The following EYS variants were observed in gnomAD, a reference collection of about 807,000 sequenced individuals.
EYS encodes protein eyes shut homolog.
In EYS, 250 loss-of-function variants were observed where a neutral mutation model predicts 282.1. The ratio of observed to expected loss-of-function variants is 0.89; its 90% CI spans 0.80 to 0.98. The LOEUF (loss-of-function observed/expected upper bound fraction) is 0.98, where lower values mean the gene tolerates loss of function less well. Ranked by LOEUF, EYS falls within the 50% of genes least tolerant of loss-of-function variation. The probability of loss-of-function intolerance (pLI) is 0.00; values close to 1 mark genes in which losing one functional copy is unlikely to be tolerated. For missense variants in EYS, 4,016 were observed against 3,709.0 expected (o/e 1.08, Z -2.15); for synonymous variants, 1,355 against 1,282.9 (o/e 1.06, Z -1.20).
At chr6:64,902,244 C>A in intron 17 of EYS, 24 bp from the exon 18 acceptor site, 3 of 1,476,906 alleles carry the variant, frequency 2.0e-6, no homozygotes, top group Non-Finnish European at 2.8e-6. Flanking sequence ...AATTTAGTAA[C>A]TCCATTAGTA....
intron 31 of EYS, among the ~76,000 whole-genome samples, chr6:64,211,538 A>G (rs72878708): frequency 0.31 from 45,609 of 149,372 alleles, 7,049 homozygotes; most frequent in East Asian, 0.5. Context: ...CTTGGCTGAA[A>G]TTTTGCTAAA....
At position 64,590,484 on chromosome 6, in the gene EYS, T is replaced by C. The variant is rs938563720; in HGVS notation, c.5383A>G (p.Thr1795Ala). Residue 1795 changes from threonine to alanine, a missense_variant, in exon 26 of 43, where the codon ACA becomes GCA. Coordinates refer to ENST00000503581, the MANE Select transcript of EYS (RefSeq NM_001142800.2). ...GAAAGTGCTGGAGTTGCTGAAACTGTATAAAATGCAACATTGGTGGTGACT... is the reference window on the plus strand; with the variant it reads ...GAAAGTGCTGGAGTTGCTGAAACTGCATAAAATGCAACATTGGTGGTGACT... ...SEVTTNVAFY[T>A]VSATPALSIQ... The C allele has an allele frequency of 6.4e-6, 10 of 1,551,434 alleles. No individual in the cohort carries two copies. The South Asian group carries it at 7.1e-5, about 11-fold the overall frequency.
At chr6:64,638,866 T>C (rs1484851847) in intron 22 of EYS, among the ~76,000 whole-genome samples, 1 of 91,376 alleles carries the variant, frequency 1.1e-5, no homozygotes, top group East Asian at 2.4e-4. Flanking sequence ...TCATTTTGTC[T>C]TTAACCACTT....
At chr6:65,526,622 G>C (rs1383968866) in intron 2 of EYS, among the ~76,000 whole-genome samples, 2 of 152,038 alleles carry the variant, frequency 1.3e-5, no homozygotes, top group African/African-American at 4.8e-5. Flanking sequence ...TGGCTAACAC[G>C]GTGAAACCCC....
At chr6:64,329,383 A>G (rs2150389408) in intron 29 of EYS, among the ~76,000 whole-genome samples, 1 of 152,294 alleles carries the variant, frequency 6.6e-6, no homozygotes, top group Middle Eastern at 3.4e-3. Context: ...CTAGAAGGGG[A>G]CATGACTCTA....
intron 1 of EYS, among the ~76,000 whole-genome samples, chr6:65,649,700 TG>T (rs1177780329): frequency 1.3e-5 from 2 of 152,288 alleles, no homozygotes; most frequent in South Asian, 2.1e-4. Flanking sequence ...CTATTTAGAT[TG>T]TTTTTTTACA....
rs142926015 is a variant in EYS, at chr6:65,320,528, T to A, written c.1766+14452A>T. Among the ~76,000 whole-genome samples the A allele has an allele frequency of 8.4e-3, 1,279 of 152,262 alleles. 18 individuals are homozygous for A. Among genetic ancestry groups the A allele is most frequent in the African/African-American group, 0.029 (1,213 of 41,562 alleles). On this transcript the variant is annotated intron_variant, in intron 11 of 42. Transcript: ENST00000503581. ...TATTGTAGATTTCACTGGGAAGAGA[T>A]GCCTCTTGGTACAGTGGAGGAACTG...
chr6:63,729,320 T>A (rs1768719667), intron 41 of EYS, among the ~76,000 whole-genome samples: 1 of 152,124 alleles, frequency 6.6e-6, no homozygotes, highest in South Asian at 2.1e-4. Flanking sequence ...TTTTTAATTT[T>A]AATGAAATCT....
At chr6:63,887,876 C>G (rs1368522088) in intron 35 of EYS, among the ~76,000 whole-genome samples, 1 of 152,210 alleles carries the variant, frequency 6.6e-6, no homozygotes, top group Admixed American at 6.5e-5. Flanking sequence ...AGATCTCACC[C>G]CCATGGAGCC....
intron 12 of EYS, among the ~76,000 whole-genome samples, chr6:65,062,315 C>CG (rs1449479735): frequency 1.3e-5 from 2 of 151,946 alleles, no homozygotes; most frequent in East Asian, 3.9e-4. Flanking sequence ...TTGTTCCTCA[C>CG]CCTCCCTGAA....
chr6:63,727,700 A>C, intron 41 of EYS, among the ~76,000 whole-genome samples: 1 of 79,610 alleles, frequency 1.3e-5, no homozygotes, highest in African/African-American at 5.7e-5. Flanking sequence ...GCGAAACACC[A>C]TCTCTCAAAA....
rs539003971 is a variant in EYS, at chr6:64,264,056, T to G, written c.6192-33232A>C. Among the ~76,000 whole-genome samples, 35 of 152,166 alleles carry G rather than the reference T, an allele frequency of 2.3e-4. 1 individual carries two copies. The South Asian group carries it at 5.6e-3, about 24-fold the overall frequency. On this transcript the variant is annotated intron_variant, in intron 30 of 42. Transcript: ENST00000503581. ...TAAAGCTTAATCTTCTCTATTGGTA[T>G]AGATATTTTAGATGGAATATTCAAT...
intron 5 of EYS, among the ~76,000 whole-genome samples, chr6:65,471,358 T>G (rs1765210854): frequency 6.6e-6 from 1 of 151,498 alleles, no homozygotes; most frequent in African/African-American, 2.4e-5. Context: ...ATCACATCAC[T>G]GCATTCTAGC....
intron 37 of EYS, among the ~76,000 whole-genome samples, chr6:63,800,709 G>A (rs1336959322): frequency 2.0e-5 from 3 of 152,224 alleles, no homozygotes; most frequent in African/African-American, 4.8e-5. Context: ...GAAGGCTGAG[G>A]CAGGAGAATC....
At chr6:65,220,851 T>C (rs1424381632) in intron 12 of EYS, among the ~76,000 whole-genome samples, 2 of 152,038 alleles carry the variant, frequency 1.3e-5, no homozygotes, top group Non-Finnish European at 2.9e-5. Flanking sequence ...CAGGTTGAGG[T>C]GCTTTGAGAT....
At chr6:64,754,035 T>C (rs994154658) in intron 22 of EYS, among the ~76,000 whole-genome samples, 1 of 152,074 alleles carries the variant, frequency 6.6e-6, no homozygotes, top group Non-Finnish European at 1.5e-5. Context: ...AATTTGGAAA[T>C]TAAAACTCTT....
chr6:64,831,224 C>T (rs1187377111), intron 19 of EYS, among the ~76,000 whole-genome samples: 1 of 151,830 alleles, frequency 6.6e-6, no homozygotes, highest in East Asian at 1.9e-4. Flanking sequence ...CATAGGAATG[C>T]TTTTAAATTT....
At chr6:64,150,879 G>C (rs1774680195) in intron 31 of EYS, among the ~76,000 whole-genome samples, 1 of 151,992 alleles carries the variant, frequency 6.6e-6, no homozygotes, top group Non-Finnish European at 1.5e-5. Flanking sequence ...AGCTTAGAAA[G>C]GCTTGATTAC....
intron 19 of EYS, among the ~76,000 whole-genome samples, chr6:64,862,431 C>T (rs998347889): frequency 2.0e-5 from 3 of 152,112 alleles, no homozygotes; most frequent in Non-Finnish European, 4.4e-5. Context: ...TGTGTAAGAG[C>T]AGAAAACAAT....
Sources: allele counts gnomAD v4.1 joint callset (sites outside exome capture counted in the v4.1 genomes callset), GRCh38; gene constraint gnomAD v4.1.1; transcripts MANE v1.5; gene names NCBI Gene and HGNC (gene_info 2026-07-23, HGNC 2026-07-21).